The following CFAP54 variants were observed in gnomAD, a reference collection of about 807,000 sequenced individuals.
CFAP54 encodes cilia- and flagella-associated protein 54.
A neutral mutation model predicts 370.4 loss-of-function variants in CFAP54; 290 were observed. The observed-to-expected ratio is 0.78, with a 90% confidence interval of 0.71 to 0.86. The LOEUF (loss-of-function observed/expected upper bound fraction) is 0.86. Among genes scored for constraint, CFAP54 ranks in the 40% least tolerant of loss-of-function variants. CFAP54 has a pLI of 0.00. For missense variants in CFAP54, 3,399 were observed against 3,528.7 expected, an observed-to-expected ratio of 0.96 and a Z score of 0.93; for synonymous variants, 1,206 against 1,236.5, an observed-to-expected ratio of 0.98 and a Z score of 0.52.
chr12:96,628,016 C>T (rs1285638142), intron 30 of CFAP54, among the ~76,000 whole-genome samples: 4 of 152,136 alleles, frequency 2.6e-5, no homozygotes, highest in East Asian at 1.9e-4. Context: ...GTTACAACAT[C>T]GCCTACAGCG....
chr12:96,567,429 T>C (rs933609015), intron 19 of CFAP54, among the ~76,000 whole-genome samples: 2 of 152,128 alleles, frequency 1.3e-5, no homozygotes, highest in Non-Finnish European at 2.9e-5. Context: ...CTGGTTAAAT[T>C]TGAATTTCCA....
chr12:96,519,960 T>A (rs1474646863), intron 6 of CFAP54, among the ~76,000 whole-genome samples: 1 of 152,222 alleles, frequency 6.6e-6, no homozygotes, highest in Non-Finnish European at 1.5e-5. Flanking sequence ...CCTTATCACT[T>A]AGTATGTACA....
rs189188867 is a variant in CFAP54, at chr12:96,821,820, A to G, written c.9096+3907A>G. Among the ~76,000 whole-genome samples, 13 of 152,162 alleles carry G rather than the reference A, an allele frequency of 8.5e-5. No individual in the cohort carries two copies. In the East Asian group the frequency reaches 2.1e-3, roughly 25 times the overall value. ...TGGAGCTAATTAGAAGTTAAGTAGG[A>G]CACTTCTAAAAGAGATCAATTCTGG... On this transcript the variant is annotated intron_variant, in intron 65 of 67. Coordinates refer to ENST00000524981, the MANE Select transcript of CFAP54 (RefSeq NM_001306084.2).
At chr12:96,603,714 A>G (rs1227199880) in intron 26 of CFAP54, among the ~76,000 whole-genome samples, 25 of 152,016 alleles carry the variant, frequency 1.6e-4, no homozygotes. Context: ...TTGACTTTCA[A>G]TCACTGATAT....
intron 26 of CFAP54, among the ~76,000 whole-genome samples, chr12:96,619,818 A>G (rs983705189): frequency 6.6e-6 from 1 of 152,156 alleles, no homozygotes; most frequent in Non-Finnish European, 1.5e-5. Flanking sequence ...CCTTATAGGA[A>G]AACTTTCTTC....
chr12:96,748,747 T>A (rs1958148545), intron 55 of CFAP54, among the ~76,000 whole-genome samples: 1 of 152,234 alleles, frequency 6.6e-6, no homozygotes, highest in Non-Finnish European at 1.5e-5. Context: ...GTAAGAAATT[T>A]GTTCTTTCTT....
intron 63 of CFAP54, among the ~76,000 whole-genome samples, chr12:96,811,520 T>C (rs1213514889): frequency 1.3e-5 from 2 of 152,210 alleles, no homozygotes. Flanking sequence ...AATAATATCA[T>C]ATTGTTACCA....
intron 55 of CFAP54, among the ~76,000 whole-genome samples, chr12:96,749,847 A>G (rs1958163312): frequency 1.3e-5 from 2 of 151,862 alleles, no homozygotes; most frequent in South Asian, 2.1e-4. Context: ...TTGCCAGGCT[A>G]TTTTACTTTG....
rs763154525 is a variant in CFAP54 at position 96,644,217 on chromosome 12, C to T, written c.4356C>T (p.Tyr1452=). The T allele has an allele frequency of 4.6e-6, 7 of 1,535,716 alleles. No homozygotes were observed. The East Asian group carries it at 9.8e-5, about 21-fold the overall frequency. ...RTSVRKAAQR[Y]LMDYLNPLIL... is the part of the protein sequence containing the mutation. ...GTGTTAGGAAAGCAGCACAACGATA[C>T]CTGATGGATTACTTGAATCCTCTAA... The change falls in exon 33 of 68, where the codon TAC becomes TAT. Residue 1452 remains tyrosine (Y), a synonymous_variant. Transcript: ENST00000524981.
intron 14 of CFAP54, among the ~76,000 whole-genome samples, chr12:96,546,377 T>C (rs1280963060): frequency 6.6e-6 from 1 of 152,124 alleles, no homozygotes; most frequent in Non-Finnish European, 1.5e-5. Flanking sequence ...TCTCCACACT[T>C]CCTTCCCAAG....
intron 50 of CFAP54, among the ~76,000 whole-genome samples, chr12:96,731,553 G>A (rs959846073): frequency 3.3e-5 from 5 of 152,184 alleles, no homozygotes; most frequent in African/African-American, 4.8e-5. Flanking sequence ...ATTTGTTGCC[G>A]ATGATAGAAT....
At position 96,740,106 on chromosome 12, in the gene CFAP54, G is replaced by T. The variant is rs779674164; in HGVS notation, c.7071+45G>T. On this transcript the variant is annotated intron_variant, in intron 51 of 67. Transcript: ENST00000524981. ...TGTTCTTACAATACTTATCATATAA[G>T]AACTATTGGCATGCTAGGATATTGT... 6 of 1,054,464 alleles carry T rather than the reference G, an allele frequency of 5.7e-6. No homozygotes were observed. The Admixed American group carries it at 1.0e-4, about 18-fold the overall frequency. 65.3% of individuals were successfully genotyped at this position (1,054,464 alleles called of 1,614,324 possible).
At chr12:96,525,558 A>G (rs1955370444) in intron 8 of CFAP54, among the ~76,000 whole-genome samples, 1 of 152,104 alleles carries the variant, frequency 6.6e-6, no homozygotes, top group Non-Finnish European at 1.5e-5. Context: ...CATTTTGAAT[A>G]CTTCTAATTA....
chr12:96,729,312 T>A (rs1412907669), intron 50 of CFAP54, among the ~76,000 whole-genome samples: 6 of 152,232 alleles, frequency 3.9e-5, no homozygotes, highest in African/African-American at 4.8e-5. Flanking sequence ...GCAGGCCTCC[T>A]TGAGCTGTGG....
intron 26 of CFAP54, among the ~76,000 whole-genome samples, chr12:96,602,209 A>G (rs1250625129): frequency 6.6e-6 from 1 of 152,016 alleles, no homozygotes; most frequent in Non-Finnish European, 1.5e-5. Context: ...TCATTTTGTT[A>G]TTTACCCAGC....
chr12:96,675,531 G>C (rs564467499), intron 39 of CFAP54, among the ~76,000 whole-genome samples: 1 of 152,264 alleles, frequency 6.6e-6, no homozygotes, highest in South Asian at 2.1e-4. Flanking sequence ...TCAGTGTGGC[G>C]ATTCCTTAGG....
intron 6 of CFAP54, among the ~76,000 whole-genome samples, chr12:96,521,545 T>C (rs778660950): frequency 6.1e-4 from 25 of 41,312 alleles, no homozygotes; most frequent in Admixed American, 2.2e-3. Flanking sequence ...TGTGTGTGTG[T>C]GTGCGCGTGC....
In CFAP54 at chr12:96,594,431, G is replaced by C; in HGVS notation, c.3501G>C (p.Leu1167Phe). The C allele has an allele frequency of 6.5e-7, 1 of 1,532,354 alleles. No homozygotes were observed. Among genetic ancestry groups the C allele is most frequent in the Non-Finnish European group, 8.7e-7 (1 of 1,144,254 alleles). The allele number at this position is 1,532,354 out of a possible 1,614,324, so 94.9% of individuals were successfully genotyped here. The change falls in exon 25 of 68, where the codon TTG becomes TTC. Residue 1167 changes from leucine to phenylalanine, a missense_variant. This residue lies in a region of CFAP54 where 2,796 missense variants were observed against 2,869.7 expected (regional missense o/e 0.97). Transcript: ENST00000524981. ...LAPIIYHNIVLVPVVQILIKC... is the reference protein window; with the variant it reads ...LAPIIYHNIVFVPVVQILIKC... ...CCATAATTTATCACAATATTGTTTT[G>C]GTACCTGTTGTACAGGTAAGGGTAT...
At chr12:96,807,506 A>T (rs1397491250) in intron 63 of CFAP54, among the ~76,000 whole-genome samples, 8 of 152,214 alleles carry the variant, frequency 5.3e-5, no homozygotes, top group Admixed American at 5.2e-4. Flanking sequence ...TAAATTCAAT[A>T]GTCCTCAGTG....
Sources: gnomAD v4.1 joint callset for allele counts (sites outside exome capture counted in the v4.1 genomes callset) on GRCh38, gnomAD v4.1.1 for gene constraint, gnomAD v4.1.1 regional missense constraint, MANE v1.5 for transcripts, NCBI Gene and HGNC (gene_info 2026-07-23, HGNC 2026-07-21) for gene names.